RFFL: variants seen among roughly 807,000 people sequenced by gnomAD.
RFFL encodes E3 ubiquitin-protein ligase rififylin.
In RFFL, 16 loss-of-function variants were observed where a neutral mutation model predicts 40.4. The ratio of observed to expected loss-of-function variants is 0.40; its 90% CI spans 0.27 to 0.60. The LOEUF is 0.60. RFFL is among the 20% of genes least tolerant of loss of function. The probability of loss-of-function intolerance (pLI) is 0.47; values close to 1 mark genes in which losing one functional copy is unlikely to be tolerated. For synonymous variants in RFFL, 154 were observed against 167.9 expected, an observed-to-expected ratio of 0.92 and a Z score of 0.64; for missense variants, 367 against 451.7, an observed-to-expected ratio of 0.81 and a Z score of 1.70.
rs1020854082 is a variant in RFFL at position 35,087,317 on chromosome 17, C to T, written c.-9+1788G>A. Among the ~76,000 whole-genome samples, 5 of 151,094 alleles carry T rather than the reference C, an allele frequency of 3.3e-5. 1 individual carries two copies. On this transcript the variant is annotated intron_variant, in intron 1 of 6. Coordinates refer to the RFFL transcript ENST00000315249. ...AGTGAGCCATGATTACGCCACTGCA[C>T]GCCAGTCTGAGTGACAGAGTGAGAC...
intron 1 of RFFL, among the ~76,000 whole-genome samples, chr17:35,083,101 A>G (rs2091410454): frequency 6.6e-6 from 1 of 152,372 alleles, no homozygotes; most frequent in Non-Finnish European, 1.5e-5. Flanking sequence ...GAAATAAAAC[A>G]GGCAAACTGA....
At chr17:35,022,787 A>C (rs1435674534) in intron 2 of RFFL, among the ~76,000 whole-genome samples, 1 of 152,210 alleles carries the variant, frequency 6.6e-6, no homozygotes, top group Non-Finnish European at 1.5e-5. Flanking sequence ...TGGTGCTTAC[A>C]AGCATATCCA....
At chr17:35,015,182 G>T (rs1464960097) in intron 5 of RFFL, among the ~76,000 whole-genome samples, 1 of 152,148 alleles carries the variant, frequency 6.6e-6, no homozygotes, top group African/African-American at 2.4e-5. Context: ...GCCTATGCTG[G>T]TCTTGAACTC....
At chr17:35,022,125 C>A (rs1238682648) in intron 2 of RFFL, among the ~76,000 whole-genome samples, 1 of 152,212 alleles carries the variant, frequency 6.6e-6, no homozygotes, top group Non-Finnish European at 1.5e-5. Context: ...TTAAGCCTCC[C>A]TCCCTTATTT....
chr17:35,054,045 T>A (rs1009039748), intron 1 of RFFL, among the ~76,000 whole-genome samples: 5 of 152,148 alleles, frequency 3.3e-5, no homozygotes, highest in African/African-American at 9.7e-5. Context: ...TGAGGGGTCA[T>A]CCTGAGAAGC....
chr17:35,078,888 G>A (rs556749968), intron 1 of RFFL, among the ~76,000 whole-genome samples: 3 of 151,834 alleles, frequency 2.0e-5, no homozygotes, highest in African/African-American at 7.2e-5. Flanking sequence ...GCTAAGATGG[G>A]AGAATCACGT....
chr17:35,070,880 T>C (rs1357396931), intron 1 of RFFL, among the ~76,000 whole-genome samples: 3 of 152,198 alleles, frequency 2.0e-5, no homozygotes, highest in African/African-American at 7.2e-5. Context: ...AAACCAGATA[T>C]AACACCTATT....
At chr17:35,043,918 T>C (rs1344378924) in intron 1 of RFFL, among the ~76,000 whole-genome samples, 1 of 152,188 alleles carries the variant, frequency 6.6e-6, no homozygotes, top group African/African-American at 2.4e-5. Flanking sequence ...ATACATCCCA[T>C]AAGTCATCTG....
chr17:35,087,115 T>G (rs963099863), intron 1 of RFFL, among the ~76,000 whole-genome samples: 27 of 152,250 alleles, frequency 1.8e-4, no homozygotes, highest in African/African-American at 6.3e-4. Flanking sequence ...ATCTCAGAAC[T>G]TGGGGAAGCC....
intron 1 of RFFL, among the ~76,000 whole-genome samples, chr17:35,054,060 T>C (rs1352597361): frequency 1.3e-5 from 2 of 152,190 alleles, no homozygotes; most frequent in African/African-American, 4.8e-5. Context: ...AGAAGCTAGA[T>C]TGGCACCACC....
Position 35,008,446 on chromosome 17 carries a change from T to C in RFFL, c.*3522A>G, listed in dbSNP as rs1411849893. The C allele has an allele frequency of 1.3e-5, 2 of 152,048 alleles. No individual in the cohort carries two copies. Among genetic ancestry groups the C allele is most frequent in the East Asian group, 3.9e-4 (2 of 5,178 alleles). The allele number at this position is 152,048 out of a possible 1,614,324, so 9.4% of individuals were successfully genotyped here. ...GTTTATCAGTTGTCAATTTTTTTTT[T>C]TTTTTAATACAGGGTCTCACTCTGT... is the stretch of plus-strand genomic sequence containing the variant. On this transcript the variant is annotated 3_prime_UTR_variant, in exon 7 of 7. Coordinates refer to ENST00000394597, the MANE Select transcript of RFFL (RefSeq NM_001017368.2).
At chr17:35,052,786 G>A (rs1182344156) in intron 1 of RFFL, among the ~76,000 whole-genome samples, 3 of 152,182 alleles carry the variant, frequency 2.0e-5, no homozygotes, top group Non-Finnish European at 4.4e-5. Context: ...TGGTCTAGTA[G>A]GAGATAGGTA....
At chr17:35,070,769 C>A (rs2091344528) in intron 1 of RFFL, among the ~76,000 whole-genome samples, 1 of 152,066 alleles carries the variant, frequency 6.6e-6, no homozygotes, top group African/African-American at 2.4e-5. Flanking sequence ...CACTGTGACA[C>A]TGTATGGAGG....
chr17:35,050,903 C>T (rs967401721), intron 1 of RFFL, among the ~76,000 whole-genome samples: 2 of 151,992 alleles, frequency 1.3e-5, no homozygotes, highest in Admixed American at 6.6e-5. Context: ...ACCTGGGAGG[C>T]GGAGGTTGTG....
At chr17:35,074,075 T>C (rs1008428544) in intron 1 of RFFL, 2 of 152,272 alleles carry the variant, frequency 1.3e-5, no homozygotes, top group African/African-American at 2.4e-5. Context: ...TAAAAAGTGA[T>C]GTTAGTGGAA....
chr17:35,038,286 CAAA>C (rs33952696), intron 1 of RFFL, among the ~76,000 whole-genome samples: 99 of 99,314 alleles, frequency 1.0e-3, no homozygotes, highest in African/African-American at 2.6e-3. Context: ...AAAACTGTCT[CAAA>C]AAAAAAAAAA....
rs1007662055 is a variant in RFFL at position 35,009,612 on chromosome 17, T to G, written c.*2356A>C. The G allele has an allele frequency of 7.9e-5, 12 of 152,104 alleles. No individual in the cohort carries two copies. Among genetic ancestry groups the G allele is most frequent in the African/African-American group, 2.9e-4 (12 of 41,426 alleles). The allele number at this position is 152,104 out of a possible 1,614,324, so 9.4% of individuals were successfully genotyped here. A position where few individuals can be genotyped will look rare whatever the true frequency, so the allele number is the denominator to read the frequency against. The stretch of plus-strand genomic sequence containing the variant: ...AAAAAAAAAAAAAATCAGGGTTGTT[T>G]GACACCTTTTTTCCTAAAGGGAAAC... On this transcript the variant is annotated 3_prime_UTR_variant, in exon 7 of 7. Transcript: ENST00000394597.
chr17:35,019,849 T>C (rs1005759792), intron 3 of RFFL, among the ~76,000 whole-genome samples: 32 of 152,074 alleles, frequency 2.1e-4, no homozygotes, highest in Non-Finnish European at 1.5e-4. Flanking sequence ...GAGAAAAACA[T>C]GTTCAGGCCA....
intron 1 of RFFL, among the ~76,000 whole-genome samples, chr17:35,057,340 T>C (rs1275029107): frequency 6.6e-6 from 1 of 152,132 alleles, no homozygotes; most frequent in Non-Finnish European, 1.5e-5. Context: ...CTCACCTTGC[T>C]CTGTCCTTCG....
Sources: gnomAD v4.1 joint callset for allele counts (sites outside exome capture counted in the v4.1 genomes callset) on GRCh38, gnomAD v4.1.1 for gene constraint, MANE v1.5 for transcripts, NCBI Gene and HGNC (gene_info 2026-07-23, HGNC 2026-07-21) for gene names.